Variants in NFX1 observed in about 807,000 individuals in gnomAD.
NFX1 encodes transcriptional repressor NF-X1.
In NFX1, 69 loss-of-function variants were observed where a neutral mutation model predicts 137.2. That is an observed-to-expected ratio of 0.50 (90% CI 0.41 to 0.61). The LOEUF (loss-of-function observed/expected upper bound fraction) is 0.61. Ranked by LOEUF, NFX1 falls within the 20% of genes least tolerant of loss-of-function variation. The probability of loss-of-function intolerance (pLI) is 0.00; values close to 1 mark genes in which losing one functional copy is unlikely to be tolerated. For synonymous variants in NFX1, 495 were observed against 474.1 expected, an observed-to-expected ratio of 1.04 and a Z score of -0.57; for missense variants, 1,167 against 1,391.0, an observed-to-expected ratio of 0.84 and a Z score of 2.56.
chr9:33,364,950 G>C (rs543383368), intron 21 of NFX1, 176 bp downstream of exon 21: 3 of 1,422,076 alleles, frequency 2.1e-6, no homozygotes, highest in Non-Finnish European at 2.8e-6. Flanking sequence ...GTGGAAGCCT[G>C]TCCTGGTTCA....
At chr9:33,358,680 T>G (rs1444194661) in intron 19 of NFX1, among the ~76,000 whole-genome samples, 1 of 119,082 alleles carries the variant, frequency 8.4e-6, no homozygotes, top group Non-Finnish European at 1.8e-5. Flanking sequence ...TTTTTTTTTT[T>G]GATACAGAGT....
intron 4 of NFX1, 78 bp downstream of exon 4, chr9:33,303,346 C>A: frequency 1.6e-6 from 2 of 1,256,914 alleles, no homozygotes; most frequent in Non-Finnish European, 1.2e-6. Context: ...GTCTGCGGGG[C>A]ATGTTTTAGA....
rs1257799255 is a variant in NFX1 at position 33,332,714 on chromosome 9, A to G, written c.2035+212A>G. ...ATAAGCTAAGTGCACTCATGTCTAC[A>G]GCTTGCTTTGAAATGCATTAAAAAA... On this transcript the variant is annotated intron_variant, in intron 11 of 23. Coordinates refer to ENST00000379540, the MANE Select transcript of NFX1 (RefSeq NM_002504.6). 8.8e-6 allele frequency: 4 copies of G among 454,302 alleles called. No homozygotes were observed. The Admixed American group carries it at 1.1e-4, about 12-fold the overall frequency. The allele number at this position is 454,302 out of a possible 1,614,324, so 28.1% of individuals were successfully genotyped here. A position where few individuals can be genotyped will look rare whatever the true frequency, so the allele number is the denominator to read the frequency against.
intron 14 of NFX1, among the ~76,000 whole-genome samples, chr9:33,345,556 A>G (rs1175846159): frequency 6.6e-6 from 1 of 152,152 alleles, no homozygotes; most frequent in Non-Finnish European, 1.5e-5. Flanking sequence ...TATACCTTAT[A>G]TGTATTTCTC....
intron 3 of NFX1, 70 bp downstream of exon 3, chr9:33,301,491 C>T (rs1821564814): frequency 6.7e-7 from 1 of 1,482,570 alleles, no homozygotes; most frequent in Non-Finnish European, 9.1e-7. Context: ...TTAAGCCCAG[C>T]TTTAAAAATA....
At chr9:33,311,986 G>A (rs1276847624) in intron 6 of NFX1, among the ~76,000 whole-genome samples, 2 of 152,090 alleles carry the variant, frequency 1.3e-5, no homozygotes, top group African/African-American at 4.8e-5. Context: ...GAATATTGTT[G>A]AATGAAAGAA....
At chr9:33,344,383 C>T (rs1487591491) in intron 14 of NFX1, among the ~76,000 whole-genome samples, 195 bp downstream of exon 14, 1 of 152,188 alleles carries the variant, frequency 6.6e-6, no homozygotes. Flanking sequence ...CATTGGTTTA[C>T]TCTAGGGATG....
At chr9:33,324,638 A>G (rs1822510111) in intron 9 of NFX1, among the ~76,000 whole-genome samples, 1 of 152,062 alleles carries the variant, frequency 6.6e-6, no homozygotes, top group South Asian at 2.1e-4. Flanking sequence ...ATAGATTGAA[A>G]GAGATTTGGT....
At chr9:33,360,491 A>G (rs906591589) in intron 19 of NFX1, among the ~76,000 whole-genome samples, 2 of 152,194 alleles carry the variant, frequency 1.3e-5, no homozygotes, top group Admixed American at 6.5e-5. Context: ...AAGCCTTTTG[A>G]ATTTCTCCTC....
chr9:33,298,359 A>G (rs1211929549), intron 2 of NFX1, among the ~76,000 whole-genome samples: 1 of 152,232 alleles, frequency 6.6e-6, no homozygotes, highest in Non-Finnish European at 1.5e-5. Context: ...AGATAGGGGC[A>G]GGAAAGGTGG....
At chr9:33,351,526 G>A in intron 15 of NFX1, 34 bp from the exon 16 acceptor site, 2 of 1,585,440 alleles carry the variant, frequency 1.3e-6, no homozygotes, top group South Asian at 2.2e-5. Flanking sequence ...ATCCCACATG[G>A]AGATGAGAAT....
chr9:33,339,608 TAACTC>T (rs1186366196), intron 12 of NFX1, among the ~76,000 whole-genome samples: 3 of 152,176 alleles, frequency 2.0e-5, no homozygotes, highest in Admixed American at 6.5e-5. Context: ...CCCAAAGTCT[TAACTC>T]ATTTCAGCAT....
At chr9:33,300,301 G>A (rs1347828510) in intron 2 of NFX1, among the ~76,000 whole-genome samples, 1 of 151,930 alleles carries the variant, frequency 6.6e-6, no homozygotes, top group Non-Finnish European at 1.5e-5. Context: ...CCGACCTCAT[G>A]ATCTGCCCGC....
intron 11 of NFX1, among the ~76,000 whole-genome samples, chr9:33,334,103 C>T (rs142685159): frequency 0.018 from 2,804 of 152,306 alleles, 89 homozygotes; most frequent in African/African-American, 0.061. Flanking sequence ...TGAGATCACA[C>T]CATTGCTCTC....
Position 33,295,393 on chromosome 9 carries a change from G to A in NFX1, c.999G>A (p.Gln333=). The change falls in exon 2 of 24, where the codon CAG becomes CAA. Residue 333 remains glutamine (Q), a synonymous_variant. Coordinates refer to ENST00000379540, the MANE Select transcript of NFX1 (RefSeq NM_002504.6). ...QVVSPFSRGK[Q]NHVLKNVETH... ...TATCTCCTTTCTCCCGAGGCAAACA[G>A]AACCATGTGCTAAAGAATGTGGAAA... 6.2e-7 allele frequency: 1 copy of A among 1,613,946 alleles called. No homozygotes were observed. The highest frequency in any genetic ancestry group is 8.5e-7 in the Non-Finnish European group (1 of 1,179,920).
chr9:33,308,473 G>A (rs1040762569), intron 5 of NFX1, among the ~76,000 whole-genome samples: 2 of 152,096 alleles, frequency 1.3e-5, no homozygotes, highest in South Asian at 2.1e-4. Context: ...TAAGTAGACT[G>A]TATGCAGTCA....
chr9:33,303,087 T>A, intron 3 of NFX1, 104 bp from the exon 4 acceptor site: 1 of 812,376 alleles, frequency 1.2e-6, no homozygotes, highest in Non-Finnish European at 2.1e-6. Flanking sequence ...TTGAAATTAT[T>A]ACCACTACTT....
intron 12 of NFX1, among the ~76,000 whole-genome samples, chr9:33,341,439 A>T (rs1440807987): frequency 1.3e-5 from 2 of 152,214 alleles, no homozygotes; most frequent in Non-Finnish European, 2.9e-5. Context: ...ATTTGGGTGG[A>T]GACACAGCCA....
chr9:33,351,098 A>T (rs1823620137), intron 15 of NFX1, among the ~76,000 whole-genome samples: 1 of 152,162 alleles, frequency 6.6e-6, no homozygotes, highest in South Asian at 2.1e-4. Flanking sequence ...GAGCCCCGAG[A>T]TTGGCGCCAC....
Sources: allele counts gnomAD v4.1 joint callset (sites outside exome capture counted in the v4.1 genomes callset), GRCh38; gene constraint gnomAD v4.1.1; transcripts MANE v1.5; gene names NCBI Gene and HGNC (gene_info 2026-07-23, HGNC 2026-07-21).